Variants in KCNAB1 observed in about 807,000 individuals in gnomAD.
The protein encoded by KCNAB1 is voltage-gated potassium channel subunit beta-1.
In KCNAB1, 35 loss-of-function variants were observed where a neutral mutation model predicts 64.6. The ratio of observed to expected loss-of-function variants is 0.54; its 90% confidence interval spans 0.41 to 0.72. KCNAB1 has a LOEUF of 0.72. Ranked by LOEUF, KCNAB1 falls within the 30% of genes least tolerant of loss-of-function variation. The pLI is 0.00. For missense variants in KCNAB1, 401 were observed against 512.9 expected, an observed-to-expected ratio of 0.78 and a Z score of 2.11; for synonymous variants, 177 against 183.8, an observed-to-expected ratio of 0.96 and a Z score of 0.30.
chr3:156,169,139 T>C (rs1711794516), intron 1 of KCNAB1, among the ~76,000 whole-genome samples: 1 of 152,230 alleles, frequency 6.6e-6, no homozygotes, highest in Non-Finnish European at 1.5e-5. Flanking sequence ...TCCTAAGACA[T>C]AAATAAGTTC....
At position 156,308,368 on chromosome 3, in the gene KCNAB1, T is replaced by C. The variant is rs147791033; in HGVS notation, c.276-113248T>C. Among the ~76,000 whole-genome samples, 103 of 152,066 alleles carry C rather than the reference T, an allele frequency of 6.8e-4. 1 individual carries two copies. Among genetic ancestry groups the C allele is most frequent in the African/African-American group, 1.9e-3 (80 of 41,462 alleles). On this transcript the variant is annotated intron_variant, in intron 1 of 13. Transcript: ENST00000490337. ...TGGAGCAGGATTTTGAGCTGAGGAG[T>C]GATATTATCCGACTTGGGCTTCCTA...
At chr3:156,353,790 GA>G (rs1725019136) in intron 1 of KCNAB1, among the ~76,000 whole-genome samples, 2 of 152,228 alleles carry the variant, frequency 1.3e-5, no homozygotes, top group Non-Finnish European at 2.9e-5. Context: ...GGGCGAGCCT[GA>G]AAGCAGCCAG....
intron 1 of KCNAB1, among the ~76,000 whole-genome samples, chr3:156,290,051 T>G (rs966368822): frequency 3.3e-5 from 5 of 152,210 alleles, no homozygotes; most frequent in Non-Finnish European, 5.9e-5. Flanking sequence ...CAGCCATCTT[T>G]GTGGCCCAGC....
intron 1 of KCNAB1, among the ~76,000 whole-genome samples, chr3:156,253,973 T>C (rs778172000): frequency 6.6e-5 from 10 of 152,098 alleles, no homozygotes; most frequent in Non-Finnish European, 1.3e-4. Context: ...GAGGGGAAGC[T>C]GAGGCTTCTT....
chr3:156,403,939 C>T (rs1350583106), intron 1 of KCNAB1, among the ~76,000 whole-genome samples: 2 of 150,824 alleles, frequency 1.3e-5, no homozygotes, highest in Non-Finnish European at 3.0e-5. Context: ...AATTGTGTAC[C>T]AAACAACAGG....
chr3:156,518,172 T>C (rs920854462), intron 11 of KCNAB1, among the ~76,000 whole-genome samples: 1 of 152,178 alleles, frequency 6.6e-6, no homozygotes, highest in Non-Finnish European at 1.5e-5. Flanking sequence ...TTGGGAAATA[T>C]TTCTATTGGT....
At chr3:156,474,544 T>C (rs1007773379) in intron 7 of KCNAB1, 190 bp from the exon 8 acceptor site, 1 of 424,488 alleles carries the variant, frequency 2.4e-6, no homozygotes, top group East Asian at 4.0e-5. Context: ...ACTTTTTTTA[T>C]TGGGGGAAGT....
chr3:156,354,019 T>G (rs540570366), intron 1 of KCNAB1, among the ~76,000 whole-genome samples: 25 of 149,640 alleles, frequency 1.7e-4, no homozygotes, highest in African/African-American at 5.7e-4. Flanking sequence ...ACAGTAGAGG[T>G]ATTGTCATAA....
chr3:156,261,812 A>G (rs952274736), intron 1 of KCNAB1, among the ~76,000 whole-genome samples: 27 of 151,978 alleles, frequency 1.8e-4, no homozygotes, highest in African/African-American at 6.3e-4. Flanking sequence ...GAATTTCTAG[A>G]TCAATTTGGG....
chr3:156,462,960 G>A (rs559737573), intron 5 of KCNAB1, among the ~76,000 whole-genome samples: 2 of 152,252 alleles, frequency 1.3e-5, no homozygotes, highest in African/African-American at 4.8e-5. Context: ...AAGGTAATAA[G>A]TTTGCTGATG....
intron 1 of KCNAB1, among the ~76,000 whole-genome samples, chr3:156,361,123 A>G (rs1295632307): frequency 6.6e-6 from 1 of 152,118 alleles, no homozygotes; most frequent in Non-Finnish European, 1.5e-5. Flanking sequence ...TGACACTTCA[A>G]TTCCCCAGAG....
At chr3:156,457,603 C>T (rs755036507) in intron 4 of KCNAB1, 71 bp downstream of exon 4, 1 of 1,341,738 alleles carries the variant, frequency 7.5e-7, no homozygotes, top group Non-Finnish European at 1.1e-6. Flanking sequence ...AGACCATTTC[C>T]AGCATGTTGG....
At chr3:156,284,285 CA>C (rs946189163) in intron 1 of KCNAB1, among the ~76,000 whole-genome samples, 8 of 152,122 alleles carry the variant, frequency 5.3e-5, no homozygotes, top group African/African-American at 1.9e-4. Flanking sequence ...GCTCAGGGGT[CA>C]GGGGTCAGGG....
rs1002559931 is a variant in KCNAB1, at chr3:156,374,747, C to T, written c.276-46869C>T. Among the ~76,000 whole-genome samples, 7 of 134,628 alleles carry T rather than the reference C, an allele frequency of 5.2e-5. 1 individual carries two copies. Among genetic ancestry groups the T allele is most frequent in the East Asian group, 2.0e-4 (1 of 5,120 alleles). 88.3% of individuals were successfully genotyped at this position (134,628 alleles called of 152,430 possible). On this transcript the variant is annotated intron_variant, in intron 1 of 13. Transcript: ENST00000490337. ...CCCAGCTCTGCCACTTATGGCTGTT[C>T]GGCCTTAGTTAAACCTCGCTTTCCT...
intron 1 of KCNAB1, among the ~76,000 whole-genome samples, chr3:156,161,530 CAG>C (rs754975668): frequency 2.0e-5 from 3 of 152,206 alleles, no homozygotes; most frequent in Non-Finnish European, 4.4e-5. Context: ...GATCAGCTGA[CAG>C]GGAGTTTCCC....
intron 1 of KCNAB1, among the ~76,000 whole-genome samples, chr3:156,195,226 A>C (rs938028830): frequency 1.3e-5 from 2 of 152,196 alleles, no homozygotes; most frequent in African/African-American, 4.8e-5. Context: ...TGCTGTTGTG[A>C]ATAGTGCTGC....
intron 2 of KCNAB1, among the ~76,000 whole-genome samples, chr3:156,443,714 AGGGTTC>A (rs772745639): frequency 3.3e-5 from 5 of 150,836 alleles, no homozygotes; most frequent in Non-Finnish European, 5.9e-5. Flanking sequence ...AATAGTGGAG[AGGGTTC>A]TAAGTAATAT....
chr3:156,158,896 A>T (rs1290621795), intron 1 of KCNAB1, among the ~76,000 whole-genome samples: 1 of 152,122 alleles, frequency 6.6e-6, no homozygotes. Flanking sequence ...TTTTGATTGG[A>T]TTCATTGTTT....
At position 156,289,316 on chromosome 3, in the gene KCNAB1, C is replaced by T. The variant is rs190180579; in HGVS notation, c.276-132300C>T. ...GTTCCTGGCTCCTGACCCCTCTAGA[C>T]GGATGATTATCCATTCACTCTGTCT... On this transcript the variant is annotated intron_variant, in intron 1 of 13. Transcript: ENST00000490337. 9.8e-5 allele frequency among the ~76,000 whole-genome samples: 15 copies of T among 152,324 alleles called. No homozygotes were observed. In the East Asian group the frequency reaches 2.3e-3, roughly 23 times the overall value.
Sources: allele counts gnomAD v4.1 joint callset (sites outside exome capture counted in the v4.1 genomes callset), GRCh38; gene constraint gnomAD v4.1.1; transcripts MANE v1.5; gene names NCBI Gene and HGNC (gene_info 2026-07-23, HGNC 2026-07-21).